The following DRC1 variants were observed in gnomAD, a reference collection of about 807,000 sequenced individuals.
DRC1 encodes dynein regulatory complex protein 1.
In DRC1, 74 loss-of-function variants were observed where a neutral mutation model predicts 98.7. The ratio of observed to expected loss-of-function variants is 0.75; its 90% CI spans 0.62 to 0.91. The LOEUF (loss-of-function observed/expected upper bound fraction) is 0.91. Among genes scored for constraint, DRC1 ranks in the 40% least tolerant of loss-of-function variants. DRC1 has a pLI of 0.00. For synonymous variants in DRC1, 336 were observed against 334.1 expected, an observed-to-expected ratio of 1.01 and a Z score of -0.06; for missense variants, 875 against 886.0, an observed-to-expected ratio of 0.99 and a Z score of 0.16.
intron 7 of DRC1, 58 bp downstream of exon 7, chr2:26,432,064 G>A (rs1396377385): frequency 3.8e-6 from 6 of 1,574,924 alleles, no homozygotes; most frequent in African/African-American, 1.4e-5. Context: ...GTGAACACCT[G>A]TGAATGTTTC....
intron 2 of DRC1, among the ~76,000 whole-genome samples, chr2:26,416,818 A>G (rs146999403): frequency 6.6e-6 from 1 of 152,310 alleles, no homozygotes; most frequent in East Asian, 1.9e-4. Flanking sequence ...CTATAAAGAA[A>G]TACTTGAGAC....
chr2:26,455,071 C>T, intron 15 of DRC1, 60 bp from the exon 16 acceptor site: 10 of 1,575,044 alleles, frequency 6.3e-6, no homozygotes, highest in African/African-American at 2.7e-5. Flanking sequence ...AAGACCCTGG[C>T]CCCTACTTGG....
At chr2:26,448,624 C>G (rs2148003557) in intron 10 of DRC1, 67 bp from the exon 11 acceptor site, 1 of 1,519,498 alleles carries the variant, frequency 6.6e-7, no homozygotes, top group Admixed American at 1.7e-5. Flanking sequence ...GACTGTTTCT[C>G]AGAGTCAACT....
intron 1 of DRC1, among the ~76,000 whole-genome samples, chr2:26,407,419 C>T (rs955387613): frequency 1.3e-5 from 2 of 152,134 alleles, no homozygotes; most frequent in African/African-American, 2.4e-5. Flanking sequence ...AGACTGATGG[C>T]ATATCATATT....
At chr2:26,421,766 G>C (rs886988778) in intron 3 of DRC1, among the ~76,000 whole-genome samples, 1 of 152,052 alleles carries the variant, frequency 6.6e-6, no homozygotes, top group African/African-American at 2.4e-5. Context: ...CACCATGTTG[G>C]CCAGGCTGGT....
intron 2 of DRC1, among the ~76,000 whole-genome samples, chr2:26,420,164 G>A (rs1663087362): frequency 6.6e-6 from 1 of 152,090 alleles, no homozygotes; most frequent in Non-Finnish European, 1.5e-5. Context: ...GCAGAAGTGG[G>A]GCAGCAGAGG....
intron 13 of DRC1, 112 bp downstream of exon 13, chr2:26,450,793 A>G (rs1398123134): frequency 1.2e-6 from 1 of 836,938 alleles, no homozygotes; most frequent in African/African-American, 1.8e-5. Context: ...GGTTTGTTAC[A>G]TAGGTATACA....
At chr2:26,418,487 T>G (rs1678887848) in intron 2 of DRC1, among the ~76,000 whole-genome samples, 1 of 134,868 alleles carries the variant, frequency 7.4e-6, no homozygotes, top group Admixed American at 8.7e-5. Flanking sequence ...GATAGGAGGA[T>G]ATATATAAAA....
At position 26,444,884 on chromosome 2, in the gene DRC1, G is replaced by A. The variant is rs751153977; in HGVS notation, c.1332G>A (p.Gly444=). The change falls in exon 10 of 17, where the codon GGG becomes GGA. Residue 444 remains glycine, a synonymous_variant. Transcript: ENST00000288710. ...ATTTCTGGTTCCTGAACAATGTTGGGCCTATTTCTCAGCAGCCCCAGAAGT... is the reference window on the plus strand; with the variant it reads ...ATTTCTGGTTCCTGAACAATGTTGGACCTATTTCTCAGCAGCCCCAGAAGT... ...APDFWFLNNV[G]PISQQPQKSA... is the part of the protein sequence containing the mutation. 1.9e-6 allele frequency: 3 copies of A among 1,614,146 alleles called. No homozygotes were observed. Among genetic ancestry groups the A allele is most frequent in the South Asian group, 1.1e-5 (1 of 91,080 alleles).
intron 6 of DRC1, 66 bp downstream of exon 6, chr2:26,430,938 G>T: frequency 1.7e-6 from 2 of 1,149,894 alleles, no homozygotes; most frequent in Admixed American, 2.5e-5. Context: ...GACTGAATTT[G>T]CTAGCTAGCC....
intron 3 of DRC1, among the ~76,000 whole-genome samples, chr2:26,422,961 T>G (rs75073029): frequency 0.028 from 4,173 of 151,732 alleles, 172 homozygotes; most frequent in African/African-American, 0.094. Flanking sequence ...GACCATTTTG[T>G]CTCATCATAT....
intron 7 of DRC1, among the ~76,000 whole-genome samples, chr2:26,437,013 G>A (rs1026531420): frequency 2.0e-5 from 3 of 152,130 alleles, no homozygotes; most frequent in Non-Finnish European, 4.4e-5. Flanking sequence ...CTTTTGTGCC[G>A]AGCTGCCTTA....
intron 8 of DRC1, among the ~76,000 whole-genome samples, chr2:26,441,917 C>G (rs1007282860): frequency 2.0e-5 from 3 of 152,204 alleles, no homozygotes; most frequent in Admixed American, 1.3e-4. Flanking sequence ...TCCTGCTCAC[C>G]ACCACCCAGC....
chr2:26,431,853 T>C (rs774835950), intron 6 of DRC1, 31 bp from the exon 7 acceptor site: 16 of 1,612,236 alleles, frequency 9.9e-6, no homozygotes, highest in Non-Finnish European at 1.4e-5. Flanking sequence ...GGATGGTCCC[T>C]AACTTTTCCC....
intron 7 of DRC1, among the ~76,000 whole-genome samples, chr2:26,436,678 G>C (rs559004574): frequency 2.4e-4 from 37 of 152,256 alleles, no homozygotes; most frequent in Non-Finnish European, 1.5e-4. Flanking sequence ...GCATGCATAT[G>C]GTAGAGCTTG....
At position 26,421,374 on chromosome 2, in the gene DRC1, C is replaced by T. The variant is rs146060843; in HGVS notation, c.330C>T (p.Val110=). The change falls in exon 3 of 17, where the codon GTC becomes GTT. Residue 110 remains valine (V), a synonymous_variant. Coordinates refer to ENST00000288710, the MANE Select transcript of DRC1 (RefSeq NM_145038.5). Reference sequence around the variant, plus strand: ...ATATCAGAGAGATTCACAGGAGAGTCGAAGAAGAGGAGATAAAGCGTCAAA... The same window carrying T: ...ATATCAGAGAGATTCACAGGAGAGTTGAAGAAGAGGAGATAAAGCGTCAAA... The part of the protein sequence containing the change: ...AIDIREIHRR[V]EEEEIKRQRI... 6.9e-5 allele frequency: 111 copies of T among 1,613,102 alleles called. No individual in the cohort carries two copies. The highest frequency in any genetic ancestry group is 1.7e-4 in the Middle Eastern group (1 of 6,060).
chr2:26,423,605 G>A (rs1663208043), intron 3 of DRC1, among the ~76,000 whole-genome samples: 1 of 152,168 alleles, frequency 6.6e-6, no homozygotes, highest in South Asian at 2.1e-4. Context: ...ACTCATTGGT[G>A]GAGTTTCCAT....
At chr2:26,418,668 A>G (rs1235297210) in intron 2 of DRC1, among the ~76,000 whole-genome samples, 6 of 88,776 alleles carry the variant, frequency 6.8e-5, no homozygotes, top group African/African-American at 2.4e-4. Flanking sequence ...TATATTATAT[A>G]AATTAAATAT....
chr2:26,413,756 C>A (rs891141857), intron 1 of DRC1, among the ~76,000 whole-genome samples: 5 of 151,970 alleles, frequency 3.3e-5, no homozygotes, highest in African/African-American at 9.7e-5. Context: ...CAGTTTATCC[C>A]TTGACTTTCA....
Sources: allele counts gnomAD v4.1 joint callset (sites outside exome capture counted in the v4.1 genomes callset), GRCh38; gene constraint gnomAD v4.1.1; transcripts MANE v1.5; gene names NCBI Gene and HGNC (gene_info 2026-07-23, HGNC 2026-07-21).